Variants in CNBD1 observed in about 807,000 individuals in gnomAD.
CNBD1 encodes cyclic nucleotide binding domain containing 1.
In CNBD1, 71 loss-of-function variants were observed where a neutral mutation model predicts 54.4. That is an observed-to-expected ratio of 1.30 (90% CI 1.08 to 1.59). CNBD1 has a LOEUF of 1.59. CNBD1 is among the 40% of genes most tolerant of loss of function. The probability of loss-of-function intolerance (pLI) is 0.00; values close to 1 mark genes in which losing one functional copy is unlikely to be tolerated. For synonymous variants in CNBD1, 182 were observed against 170.7 expected (o/e 1.07, Z -0.51); for missense variants, 659 against 518.0 (o/e 1.27, Z -2.64).
chr8:87,131,791 C>T (rs1812122874), intron 4 of CNBD1, among the ~76,000 whole-genome samples: 1 of 151,908 alleles, frequency 6.6e-6, no homozygotes, highest in South Asian at 2.1e-4. Flanking sequence ...TTGTGTTTAA[C>T]CACCTCAACT....
intron 4 of CNBD1, among the ~76,000 whole-genome samples, chr8:87,168,760 A>G (rs572232712): frequency 6.6e-6 from 1 of 151,988 alleles, no homozygotes; most frequent in Non-Finnish European, 1.5e-5. Flanking sequence ...AAATGACAGG[A>G]TCTCATTCTT....
At position 87,316,573 on chromosome 8, in the gene CNBD1, T is replaced by C. The variant is rs557972276; in HGVS notation, c.1042+29902T>C. 2.6e-5 allele frequency among the ~76,000 whole-genome samples: 4 copies of C among 152,142 alleles called. No individual in the cohort carries two copies. In the East Asian group the frequency reaches 7.7e-4, roughly 29 times the overall value. On this transcript the variant is annotated intron_variant, in intron 8 of 10. Transcript: ENST00000518476. Reference sequence around the variant, plus strand: ...GTTTATACTACCAATATAAACACACTTGTTTGTTCAGAGGTTCAAAGATAG... The same window carrying C: ...GTTTATACTACCAATATAAACACACCTGTTTGTTCAGAGGTTCAAAGATAG...
At chr8:87,262,059 A>C (rs10096808) in intron 6 of CNBD1, among the ~76,000 whole-genome samples, 100,721 of 151,590 alleles carry the variant, frequency 0.66, 33,895 homozygotes, top group Middle Eastern at 0.72. Context: ...AGGGCTGAGG[A>C]AGGAGGATCA....
intron 4 of CNBD1, among the ~76,000 whole-genome samples, chr8:87,113,487 G>C (rs1302800297): frequency 6.6e-6 from 1 of 152,174 alleles, no homozygotes; most frequent in Non-Finnish European, 1.5e-5. Flanking sequence ...TAGAGTACTT[G>C]CTTTATAATG....
intron 8 of CNBD1, among the ~76,000 whole-genome samples, chr8:87,348,586 G>A (rs563973737): frequency 2.0e-5 from 3 of 152,146 alleles, no homozygotes; most frequent in Admixed American, 6.6e-5. Flanking sequence ...CGTGCTCAAA[G>A]TTGCCTCGGC....
At chr8:87,202,595 C>G (rs566537059) in intron 4 of CNBD1, among the ~76,000 whole-genome samples, 1 of 152,116 alleles carries the variant, frequency 6.6e-6, no homozygotes, top group Non-Finnish European at 1.5e-5. Context: ...AATTACGGGT[C>G]GGGTAGATTA....
At chr8:87,323,285 T>A (rs987853316) in intron 8 of CNBD1, among the ~76,000 whole-genome samples, 2 of 110,522 alleles carry the variant, frequency 1.8e-5, no homozygotes, top group African/African-American at 6.9e-5. Context: ...CTTGGCGATG[T>A]GGGCTCTTTT....
At chr8:87,123,243 C>T (rs1015318599) in intron 4 of CNBD1, among the ~76,000 whole-genome samples, 3 of 151,700 alleles carry the variant, frequency 2.0e-5, no homozygotes, top group African/African-American at 7.3e-5. Flanking sequence ...CAAGTGCACA[C>T]AGAACATTCT....
chr8:87,084,775 C>T (rs1332044197), intron 4 of CNBD1, among the ~76,000 whole-genome samples: 2 of 151,872 alleles, frequency 1.3e-5, no homozygotes, highest in Non-Finnish European at 2.9e-5. Flanking sequence ...CTCCCAGGTT[C>T]AAGGGATTCT....
rs531671329 is a variant in CNBD1, at chr8:87,387,975, G to A, written c.213+34189G>A. ...CTGACTCAAAACCGCTCAACTACAT[G>A]GAAACTGAACAACCTGCTCCTGAAT... is the stretch of plus-strand genomic sequence containing the variant. On this transcript the variant is annotated intron_variant, in intron 2 of 7. Transcript: ENST00000521593. Among the ~76,000 whole-genome samples the A allele has an allele frequency of 7.2e-4, 110 of 152,200 alleles. 1 individual carries two copies. Among genetic ancestry groups the A allele is most frequent in the African/African-American group, 2.6e-3 (106 of 41,526 alleles).
chr8:87,275,340 C>G (rs1320925799), intron 6 of CNBD1, among the ~76,000 whole-genome samples: 9 of 151,106 alleles, frequency 6.0e-5, no homozygotes, highest in Admixed American at 5.3e-4. Flanking sequence ...ATGGGGATAG[C>G]ATTGAATCTA....
intron 6 of CNBD1, among the ~76,000 whole-genome samples, chr8:87,243,968 G>A (rs1182049531): frequency 6.6e-6 from 1 of 151,944 alleles, no homozygotes; most frequent in Non-Finnish European, 1.5e-5. Context: ...AAATTTATGG[G>A]GAATATGAGC....
chr8:87,059,737 T>C (rs1810502689), intron 4 of CNBD1, among the ~76,000 whole-genome samples: 1 of 152,188 alleles, frequency 6.6e-6, no homozygotes, highest in Non-Finnish European at 1.5e-5. Context: ...TATGTGGCAA[T>C]CATGGGAACT....
chr8:87,304,483 T>G, intron 8 of CNBD1, among the ~76,000 whole-genome samples: 1 of 150,990 alleles, frequency 6.6e-6, no homozygotes, highest in Non-Finnish European at 1.5e-5. Context: ...CCAGGGCCTG[T>G]TGTGGGGTGG....
intron 5 of CNBD1, among the ~76,000 whole-genome samples, chr8:87,228,443 T>C (rs1814566230): frequency 6.7e-6 from 1 of 148,936 alleles, no homozygotes; most frequent in Admixed American, 6.6e-5. Flanking sequence ...TTCTGTTTGT[T>C]AGTTTTCCTT....
intron 4 of CNBD1, among the ~76,000 whole-genome samples, chr8:86,987,843 C>T (rs997918754): frequency 6.6e-6 from 1 of 152,058 alleles, no homozygotes; most frequent in Non-Finnish European, 1.5e-5. Flanking sequence ...AGAAATAAAG[C>T]CTACTTACTT....
At chr8:87,338,503 A>T (rs1810000165) in intron 8 of CNBD1, among the ~76,000 whole-genome samples, 1 of 151,840 alleles carries the variant, frequency 6.6e-6, no homozygotes, top group Non-Finnish European at 1.5e-5. Flanking sequence ...GTTTTTCAAC[A>T]TGTTAAATAT....
intron 6 of CNBD1, among the ~76,000 whole-genome samples, chr8:87,282,615 T>G (rs1270491999): frequency 6.6e-6 from 1 of 151,842 alleles, no homozygotes; most frequent in African/African-American, 2.4e-5. Flanking sequence ...AAATAATTGG[T>G]GTGTAAGGCG....
intron 4 of CNBD1, among the ~76,000 whole-genome samples, chr8:87,143,559 G>GAGT (rs1312182740): frequency 6.6e-6 from 1 of 152,120 alleles, no homozygotes; most frequent in Non-Finnish European, 1.5e-5. Context: ...AATGTCAAAT[G>GAGT]AGTATTACAA....
Sources: gnomAD v4.1 joint callset for allele counts (sites outside exome capture counted in the v4.1 genomes callset) on GRCh38, gnomAD v4.1.1 for gene constraint, MANE v1.5 for transcripts, NCBI Gene and HGNC (gene_info 2026-07-23, HGNC 2026-07-21) for gene names.